The following NISCH variants were observed in gnomAD, a reference collection of about 807,000 sequenced individuals.
NISCH encodes nischarin, also known as I-1 receptor candidate protein.
Under a neutral mutation model 138.4 loss-of-function variants are expected in NISCH, and 55 were observed. The ratio of observed to expected loss-of-function variants is 0.40; its 90% CI spans 0.32 to 0.50. The LOEUF (loss-of-function observed/expected upper bound fraction) is 0.50. Ranked by LOEUF, NISCH falls within the 20% of genes least tolerant of loss-of-function variation. The probability of loss-of-function intolerance (pLI) is 0.71; values close to 1 mark genes in which losing one functional copy is unlikely to be tolerated. For synonymous variants in NISCH, 860 were observed against 861.5 expected, an observed-to-expected ratio of 1.00 and a Z score of 0.03; for missense variants, 1,643 against 2,005.5, an observed-to-expected ratio of 0.82 and a Z score of 3.45.
At position 52,460,944 on chromosome 3, in the gene NISCH, A is replaced by G. The variant is rs374837006; in HGVS notation, c.360+2100A>G. 3.3e-5 allele frequency among the ~76,000 whole-genome samples: 5 copies of G among 152,356 alleles called. No individual in the cohort carries two copies. The South Asian group carries it at 1.0e-3, about 32-fold the overall frequency. On this transcript the variant is annotated intron_variant, in intron 3 of 20. Coordinates refer to ENST00000345716, the MANE Select transcript of NISCH (RefSeq NM_007184.4). The stretch of plus-strand genomic sequence containing the variant: ...TCCTAAAAGCCCAGCTGTATTTAAA[A>G]TACAACTTTCTTGGCCAGGTGCAGT...
intron 13 of NISCH, among the ~76,000 whole-genome samples, chr3:52,484,037 G>C (rs1290450546): frequency 9.9e-5 from 15 of 152,200 alleles, no homozygotes; most frequent in Non-Finnish European, 2.9e-5. Context: ...TCTATCCGCT[G>C]GCCGTTCTTC....
chr3:52,463,714 CTTTTTTTTTTTTT>C (rs71084184), intron 3 of NISCH, among the ~76,000 whole-genome samples: 1 of 41,452 alleles, frequency 2.4e-5, no homozygotes, highest in East Asian at 8.5e-4. Context: ...TATTGAACCT[CTTTTTTTTTTTTT>C]TTTTTTTTTT....
intron 1 of NISCH, 124 bp from the exon 2 acceptor site, chr3:52,457,719 A>C: frequency 1.3e-6 from 1 of 787,952 alleles, no homozygotes; most frequent in South Asian, 1.5e-5. Flanking sequence ...GGTGGGTCTG[A>C]GTTGCAGAGA....
chr3:52,465,682 T>C (rs547810081), intron 3 of NISCH, among the ~76,000 whole-genome samples: 18 of 152,264 alleles, frequency 1.2e-4, no homozygotes, highest in African/African-American at 4.3e-4. Context: ...TAGCACACCA[T>C]GTGGGCCGGG....
chr3:52,478,494 G>T lies in NISCH; in HGVS notation c.1219G>T (p.Val407Leu), dbSNP rs111273639. The change falls in exon 11 of 21, where the codon GTG becomes TTG. Residue 407 changes from valine to leucine, a missense_variant. By Grantham distance (32) the Val-to-Leu change is conservative (BLOSUM62 1). Transcript: ENST00000345716. ...SIGSLPCLEH[V>L]SLLNNPLSII... ...AGGCAGCCTCCCGTGTCTGGAGCACGTGTCTCTGCTGAACAACCCTCTGAG... is the reference window on the plus strand; with the variant it reads ...AGGCAGCCTCCCGTGTCTGGAGCACTTGTCTCTGCTGAACAACCCTCTGAG... 5 of 1,614,218 alleles carry T rather than the reference G, an allele frequency of 3.1e-6. No individual in the cohort carries two copies. The highest frequency in any genetic ancestry group is 2.7e-5 in the African/African-American group (2 of 75,068).
chr3:52,478,415 A>C, intron 10 of NISCH, 34 bp from the exon 11 acceptor site: 1 of 1,613,574 alleles, frequency 6.2e-7, no homozygotes, highest in South Asian at 1.1e-5. Context: ...TGTTAAGAGA[A>C]GGGACCAAAG....
intron 1 of NISCH, 70 bp downstream of exon 1, chr3:52,455,804 G>A: frequency 8.6e-7 from 1 of 1,163,320 alleles, no homozygotes; most frequent in Non-Finnish European, 1.1e-6. Context: ...CGGGGGCTTG[G>A]GGAGGGGTCC....
At chr3:52,472,421 A>G in intron 6 of NISCH, 23 bp downstream of exon 6, 1 of 1,581,324 alleles carries the variant, frequency 6.3e-7, no homozygotes, top group African/African-American at 1.3e-5. Flanking sequence ...GCTGCACAGC[A>G]TCCTCTCGCT....
intron 20 of NISCH, 47 bp downstream of exon 20, chr3:52,491,560 T>C (rs1707566408): frequency 1.3e-6 from 2 of 1,569,630 alleles, no homozygotes; most frequent in Non-Finnish European, 1.7e-6. Flanking sequence ...TGGACAGACG[T>C]CATGGGCCCC....
intron 19 of NISCH, 142 bp downstream of exon 19, chr3:52,490,975 C>A: frequency 1.7e-6 from 2 of 1,208,518 alleles, no homozygotes; most frequent in East Asian, 2.3e-5. Context: ...TGGGAGGAAG[C>A]AGCTTCAGGA....
chr3:52,474,630 C>T (rs1406951190), intron 7 of NISCH, among the ~76,000 whole-genome samples: 2 of 152,026 alleles, frequency 1.3e-5, no homozygotes, highest in Non-Finnish European at 2.9e-5. Context: ...CAGGGTTTTA[C>T]CACGTTGGCC....
intron 5 of NISCH, 51 bp from the exon 6 acceptor site, chr3:52,472,252 C>T (rs1706971238): frequency 1.3e-6 from 2 of 1,533,318 alleles, no homozygotes; most frequent in Admixed American, 1.7e-5. Context: ...GCAGCACTCC[C>T]CGATGGGCAT....
In NISCH at chr3:52,455,609, G is replaced by T; in HGVS notation, c.-33G>T. 7.8e-7 allele frequency: 1 copy of T among 1,282,836 alleles called. No individual in the cohort carries two copies. Among genetic ancestry groups the T allele is most frequent in the Non-Finnish European group, 9.9e-7 (1 of 1,008,548 alleles). 79.5% of individuals were successfully genotyped at this position (1,282,836 alleles called of 1,614,324 possible). A position where few individuals can be genotyped will look rare whatever the true frequency, so the allele number is the denominator to read the frequency against. On this transcript the variant is annotated 5_prime_UTR_variant, in exon 1 of 21. Coordinates refer to ENST00000345716, the MANE Select transcript of NISCH (RefSeq NM_007184.4). The stretch of plus-strand genomic sequence containing the variant: ...CCCCGCCCCCTGCTGCTGCTAGTCT[G>T]CGCCGGGCGGCGGTGGCGGCGGAGA...
In NISCH at chr3:52,492,875, G is replaced by T; in HGVS notation, c.*393G>T. 1 of 234,834 alleles carries T rather than the reference G, an allele frequency of 4.3e-6. No individual in the cohort carries two copies. The highest frequency in any genetic ancestry group is 1.1e-3 in the Middle Eastern group (1 of 886). 14.5% of individuals were successfully genotyped at this position (234,834 alleles called of 1,614,324 possible). A position where few individuals can be genotyped will look rare whatever the true frequency, so the allele number is the denominator to read the frequency against. ...CTGTTGCTGTTGCTGTTGGCATCTTGCTGCTAATCCTGAGGCTGGTAGCAG... is the reference window on the plus strand; with the variant it reads ...CTGTTGCTGTTGCTGTTGGCATCTTTCTGCTAATCCTGAGGCTGGTAGCAG... On this transcript the variant is annotated 3_prime_UTR_variant, in exon 21 of 21. Transcript: ENST00000345716.
chr3:52,464,302 G>T (rs116128242), intron 3 of NISCH, among the ~76,000 whole-genome samples: 1 of 151,596 alleles, frequency 6.6e-6, no homozygotes, highest in African/African-American at 2.4e-5. Flanking sequence ...GGAGGCTGAC[G>T]CACAAGAATG....
chr3:52,466,999 CTT>C (rs11457136), intron 3 of NISCH, among the ~76,000 whole-genome samples: 5 of 122,748 alleles, frequency 4.1e-5, no homozygotes, highest in Non-Finnish European at 3.2e-5. Context: ...GTTTCTTTTT[CTT>C]TTTTTTTTTT....
rs1706944566 is a variant in NISCH at position 52,471,488 on chromosome 3, G to A, written c.410-326G>A. On this transcript the variant is annotated intron_variant, in intron 4 of 20. Transcript: ENST00000345716. Reference sequence around the variant, plus strand: ...TTTGCATTTCGGAGGTTGCAGCATAGGTGTGTCACCCAGAATGCTGTCCCT... The same window carrying A: ...TTTGCATTTCGGAGGTTGCAGCATAAGTGTGTCACCCAGAATGCTGTCCCT... 4 of 448,184 alleles carry A rather than the reference G, an allele frequency of 8.9e-6. No homozygotes were observed. The Admixed American group carries it at 1.2e-4, about 13-fold the overall frequency. The allele number at this position is 448,184 out of a possible 1,614,324, so 27.8% of individuals were successfully genotyped here.
At chr3:52,463,184 C>T (rs1706683713) in intron 3 of NISCH, among the ~76,000 whole-genome samples, 1 of 152,188 alleles carries the variant, frequency 6.6e-6, no homozygotes, top group Admixed American at 6.5e-5. Flanking sequence ...CTGTTCTGGA[C>T]ATTTCATATA....
At position 52,492,851 on chromosome 3, in the gene NISCH, TGTTGCTGTTGCTGTTGGC is replaced by T. The variant is rs765605545; in HGVS notation, c.*370_*387del. ...TTGTTGCTGTTGCTGTTGCTGTTGC[TGTTGCTGTTGCTGTTGGC>T]ATCTTGCTGCTAATCCTGAGGCTGG... On this transcript the variant is annotated 3_prime_UTR_variant, in exon 21 of 21. Coordinates refer to ENST00000345716, the MANE Select transcript of NISCH (RefSeq NM_007184.4). 132 of 258,758 alleles carry T rather than the reference TGTTGCTGTTGCTGTTGGC, an allele frequency of 5.1e-4. No homozygotes were observed. Among genetic ancestry groups the T allele is most frequent in the Non-Finnish European group, 7.5e-4 (100 of 133,928 alleles). 16.0% of individuals were successfully genotyped at this position (258,758 alleles called of 1,614,324 possible). A position where few individuals can be genotyped will look rare whatever the true frequency, so the allele number is the denominator to read the frequency against.
Sources: gnomAD v4.1 joint callset for allele counts (sites outside exome capture counted in the v4.1 genomes callset) on GRCh38, gnomAD v4.1.1 for gene constraint, MANE v1.5 for transcripts, NCBI Gene and HGNC (gene_info 2026-07-23, HGNC 2026-07-21) for gene names.